MROH2A: variants seen among roughly 807,000 people sequenced by gnomAD.
The protein encoded by MROH2A is maestro heat-like repeat-containing protein family member 2A.
In MROH2A, 174 loss-of-function variants were observed where a neutral mutation model predicts 200.4. The observed-to-expected ratio is 0.87, with a 90% CI of 0.77 to 0.98. MROH2A has a LOEUF of 0.98. Ranked by LOEUF, MROH2A falls within the 50% of genes least tolerant of loss-of-function variation. MROH2A has a pLI of 0.00. For missense variants in MROH2A, 2,045 were observed against 2,139.6 expected (o/e 0.96, Z 0.87); for synonymous variants, 829 against 840.4 (o/e 0.99, Z 0.23).
intron 16 of MROH2A, 145 bp from the exon 17 acceptor site, chr2:233,803,906 C>T: frequency 9.1e-7 from 1 of 1,095,222 alleles, no homozygotes; most frequent in South Asian, 1.6e-5. Flanking sequence ...GTAGTGTCCT[C>T]TGCAGGTGCA....
At chr2:233,800,543 G>A (rs1182441872) in intron 14 of MROH2A, among the ~76,000 whole-genome samples, 2 of 152,174 alleles carry the variant, frequency 1.3e-5, no homozygotes, top group African/African-American at 2.4e-5. Context: ...GGCAGTGCAC[G>A]ACCTCAGCAT....
chr2:233,792,987 A>G, intron 6 of MROH2A, 93 bp downstream of exon 6: 2 of 1,231,408 alleles, frequency 1.6e-6, no homozygotes, highest in Non-Finnish European at 2.3e-6. Context: ...TTGTTGAAAA[A>G]GAGGTGCACT....
chr2:233,804,940 A>T, intron 18 of MROH2A, 64 bp from the exon 19 acceptor site: 1 of 928,744 alleles, frequency 1.1e-6, no homozygotes, highest in Non-Finnish European at 1.7e-6. Flanking sequence ...GCATTCCCAG[A>T]GCCCAGGCAA....
In MROH2A at chr2:233,822,309, G is replaced by C. The variant is rs779576786; in HGVS notation, c.3672+26G>C. 3.9e-6 allele frequency: 6 copies of C among 1,548,324 alleles called. No individual in the cohort carries two copies. The East Asian group carries it at 9.8e-5, about 25-fold the overall frequency. Reference sequence around the variant, plus strand: ...GTGAGTTGCAGGCGCAGGCCCCAAGGCTCCTCAGGGGTCTCTGGGTAGGAG... The same window carrying C: ...GTGAGTTGCAGGCGCAGGCCCCAAGCCTCCTCAGGGGTCTCTGGGTAGGAG... On this transcript the variant is annotated intron_variant, in intron 32 of 41. Coordinates refer to ENST00000389758, the MANE Select transcript of MROH2A (RefSeq NM_001394639.1).
At position 233,796,312 on chromosome 2, in the gene MROH2A, T is replaced by C. The variant is rs1186400088; in HGVS notation, c.1251T>C (p.Asp417=). 1 of 672,088 alleles carries C rather than the reference T, an allele frequency of 1.5e-6. No individual in the cohort carries two copies. The highest frequency in any genetic ancestry group is 2.0e-6 in the Non-Finnish European group (1 of 496,466). The allele number at this position is 672,088 out of a possible 1,614,324, so 41.6% of individuals were successfully genotyped here. The change falls in exon 11 of 42, where the codon GAT becomes GAC. Residue 417 remains aspartate (D), a splice_region_variant and synonymous_variant. Coordinates refer to ENST00000389758, the MANE Select transcript of MROH2A (RefSeq NM_001394639.1). ...LNLIRAIVSA[D]EPRMSIRAIY... ...TGATTAGGGCTATAGTGAGCGCAGA[T>C]GGTGAGCAAGGCAGGGTGGGTGGGG...
intron 7 of MROH2A, 83 bp from the exon 8 acceptor site, chr2:233,794,280 G>A: frequency 9.5e-7 from 1 of 1,052,754 alleles, no homozygotes; most frequent in Non-Finnish European, 1.4e-6. Context: ...CTGTGTCCTT[G>A]GATTCTGTGG....
rs531615366 is a variant in MROH2A, at chr2:233,811,920, C to T, written c.2612C>T (p.Pro871Leu). ...GAACCGACTGACAACCTGGTTTCTC[C>T]AGTGCGAGCCTTGGCGATGGAGGCC... ...KAEPTDNLVS[P>L]VRALAMEALS... Residue 871 changes from proline (P) to leucine (L), a missense_variant, in exon 24 of 42, where the codon CCA (proline) becomes CTA (leucine). Pro to Leu is a moderately conservative substitution (Grantham distance 98). Transcript: ENST00000389758. The T allele has an allele frequency of 3.7e-5, 57 of 1,550,428 alleles. No individual in the cohort carries two copies. The highest frequency in any genetic ancestry group is 4.7e-5 in the Non-Finnish European group (54 of 1,146,966).
At chr2:233,800,947 T>A (rs1228327155) in intron 14 of MROH2A, among the ~76,000 whole-genome samples, 1 of 152,160 alleles carries the variant, frequency 6.6e-6, no homozygotes, top group Non-Finnish European at 1.5e-5. Context: ...TTTTTTTAAT[T>A]GCAGAAATAA....
chr2:233,797,560 A>G (rs1218459818), intron 11 of MROH2A, among the ~76,000 whole-genome samples: 3 of 152,240 alleles, frequency 2.0e-5, no homozygotes, highest in African/African-American at 4.8e-5. Flanking sequence ...GGCAGTATTT[A>G]TAGCATGACC....
intron 22 of MROH2A, among the ~76,000 whole-genome samples, chr2:233,809,793 G>A (rs895374904): frequency 9.1e-6 from 1 of 110,248 alleles, no homozygotes; most frequent in Non-Finnish European, 1.9e-5. Context: ...TATATATATA[G>A]TTCAGTGGCA....
chr2:233,793,744 A>T lies in MROH2A; in HGVS notation c.742A>T (p.Thr248Ser). 1 of 1,497,316 alleles carries T rather than the reference A, an allele frequency of 6.7e-7. No homozygotes were observed. The highest frequency in any genetic ancestry group is 8.9e-7 in the Non-Finnish European group (1 of 1,120,798). The allele number at this position is 1,497,316 out of a possible 1,614,324, so 92.8% of individuals were successfully genotyped here. A position where few individuals can be genotyped will look rare whatever the true frequency, so the allele number is the denominator to read the frequency against. Reference sequence around the variant, plus strand: ...GGAGGAGAGCGTGTACCCCGTGATGACTGAGGAGGAGTTTGCCCTGAAGGT... The same window carrying T: ...GGAGGAGAGCGTGTACCCCGTGATGTCTGAGGAGGAGTTTGCCCTGAAGGT... ...HLEESVYPVM[T>S]EEEFALKVFP... The change falls in exon 7 of 42, where the codon ACT becomes TCT. Residue 248 changes from threonine (T) to serine (S), a missense_variant. This residue lies in a region of MROH2A where 831 missense variants were observed against 800.0 expected (regional missense o/e 1.04). Transcript: ENST00000389758.
chr2:233,784,783 C>G (rs1026468989), intron 3 of MROH2A, among the ~76,000 whole-genome samples: 1 of 152,174 alleles, frequency 6.6e-6, no homozygotes, highest in Non-Finnish European at 1.5e-5. Context: ...CCAAAATAAA[C>G]CACTTTTCTT....
chr2:233,826,381 C>A (rs1275942170), intron 35 of MROH2A, among the ~76,000 whole-genome samples: 1 of 152,120 alleles, frequency 6.6e-6, no homozygotes, highest in Admixed American at 6.5e-5. Flanking sequence ...GATACACAGA[C>A]CAATGGAACA....
chr2:233,783,325 T>C (rs905696640), intron 3 of MROH2A, among the ~76,000 whole-genome samples: 1 of 152,172 alleles, frequency 6.6e-6, no homozygotes, highest in Non-Finnish European at 1.5e-5. Context: ...TTTGGTAGAA[T>C]TCAGCAGTGA....
intron 15 of MROH2A, among the ~76,000 whole-genome samples, chr2:233,803,058 T>A (rs1702571278): frequency 6.6e-6 from 1 of 152,192 alleles, no homozygotes; most frequent in South Asian, 2.1e-4. Flanking sequence ...CCTGGGCTCA[T>A]TGGCTCCCAA....
At position 233,822,900 on chromosome 2, in the gene MROH2A, C is replaced by T. The variant is rs541823725; in HGVS notation, c.3886C>T (p.Gln1296Ter). The T allele has an allele frequency of 5.2e-5, 80 of 1,550,622 alleles. 1 individual carries two copies. The South Asian group carries it at 9.0e-4, about 18-fold the overall frequency. ...CTTCAGGGTCACTATCAAGTCCATG[C>T]AGCTCTTGTTCAAGAGAGTCAAGAG... The part of the protein sequence containing the change: ...NLQRVTIKSM[Q>*]LLFKRVKSQH... Residue 1296 changes from glutamine to a stop codon, truncating the protein, a stop_gained, in exon 34 of 42, where the codon CAG (glutamine) becomes TAG (stop). Coordinates refer to ENST00000389758, the MANE Select transcript of MROH2A (RefSeq NM_001394639.1). LOFTEE classifies it high-confidence loss of function.
chr2:233,789,773 G>GA (rs1701606193), intron 4 of MROH2A, 79 bp from the exon 5 acceptor site: 8 of 1,493,256 alleles, frequency 5.4e-6, no homozygotes, highest in Non-Finnish European at 6.3e-6. Flanking sequence ...AGGAGGGGTG[G>GA]AGAGAGCCTG....
chr2:233,809,736 C>G (rs978195926), intron 22 of MROH2A, among the ~76,000 whole-genome samples: 7 of 151,504 alleles, frequency 4.6e-5, no homozygotes, highest in Non-Finnish European at 1.0e-4. Context: ...AAAACTATGG[C>G]AAAATACACC....
intron 11 of MROH2A, among the ~76,000 whole-genome samples, chr2:233,797,563 G>A (rs1342376120): frequency 6.6e-6 from 1 of 152,184 alleles, no homozygotes; most frequent in Non-Finnish European, 1.5e-5. Flanking sequence ...AGTATTTATA[G>A]CATGACCTTA....
Sources: gnomAD v4.1 joint callset for allele counts (sites outside exome capture counted in the v4.1 genomes callset) on GRCh38, gnomAD v4.1.1 for gene constraint, gnomAD v4.1.1 regional missense constraint, MANE v1.5 for transcripts, NCBI Gene and HGNC (gene_info 2026-07-23, HGNC 2026-07-21) for gene names.